The following COQ4 variants were observed in gnomAD, a reference collection of about 807,000 sequenced individuals.
The protein encoded by COQ4 is ubiquinone biosynthesis protein COQ4 homolog, mitochondrial.
In COQ4, 36 loss-of-function variants were observed where a neutral mutation model predicts 30.2. The ratio of observed to expected loss-of-function variants is 1.19; its 90% CI spans 0.91 to 1.57. The LOEUF (loss-of-function observed/expected upper bound fraction) is 1.57, where lower values mean the gene tolerates loss of function less well. COQ4 is among the 40% of genes most tolerant of loss of function. COQ4 has a pLI of 0.00. For missense variants in COQ4, 369 were observed against 371.9 expected (o/e 0.99, Z 0.07); for synonymous variants, 197 against 161.0 (o/e 1.22, Z -1.69).
intron 4 of COQ4, among the ~76,000 whole-genome samples, chr9:128,327,192 C>A (rs919916777): frequency 6.6e-6 from 1 of 152,044 alleles, no homozygotes; most frequent in Non-Finnish European, 1.5e-5. Context: ...CATCTGTAAT[C>A]CCAGCACTTT....
chr9:128,333,207 G>A (rs577104703), intron 6 of COQ4, among the ~76,000 whole-genome samples: 2 of 152,164 alleles, frequency 1.3e-5, no homozygotes, highest in African/African-American at 4.8e-5. Flanking sequence ...TCAGAATGAT[G>A]AGCGTCAGTG....
intron 4 of COQ4, chr9:128,326,100 G>T: frequency 1.7e-6 from 1 of 586,572 alleles, no homozygotes; most frequent in South Asian, 2.1e-5. Flanking sequence ...ACCTCGCACT[G>T]CATGCCTGAT....
At chr9:128,332,339 A>G in intron 5 of COQ4, 57 bp downstream of exon 5, 2 of 1,589,016 alleles carry the variant, frequency 1.3e-6, no homozygotes, top group Non-Finnish European at 1.7e-6. Context: ...GGGCCAGGGC[A>G]GGGCTTGCCT....
rs1220056931 is a variant in COQ4, at chr9:128,333,576, G to A, written c.729G>A (p.Gln243=). ...LNLYYERRWE[Q]SLRALREELG... is the part of the protein sequence containing the mutation. ...TGTACTATGAGCGGCGCTGGGAGCA[G>A]TCCCTGAGGGCTCTGCGGGAGGAGC... is the stretch of plus-strand genomic sequence containing the variant. Residue 243 remains glutamine, a synonymous_variant, in exon 7 of 7, where the codon CAG becomes CAA. Transcript: ENST00000300452. 1 of 1,609,172 alleles carries A rather than the reference G, an allele frequency of 6.2e-7. No individual in the cohort carries two copies. Among genetic ancestry groups the A allele is most frequent in the East Asian group, 2.3e-5 (1 of 44,358 alleles).
intron 4 of COQ4, among the ~76,000 whole-genome samples, chr9:128,329,239 T>G (rs1832368310): frequency 6.6e-6 from 1 of 152,152 alleles, no homozygotes; most frequent in South Asian, 2.1e-4. Flanking sequence ...CCAGGGCACT[T>G]ATCGGCCTTG....
At chr9:128,323,710 CGGG>C (rs1208629470) in intron 2 of COQ4, 1 of 183,486 alleles carries the variant, frequency 5.5e-6, no homozygotes, top group East Asian at 1.4e-4. Context: ...TAATCCCTAT[CGGG>C]GGGCCGAAGC....
At position 128,325,868 on chromosome 9, in the gene COQ4, T is replaced by G; in HGVS notation, c.389T>G (p.Phe130Cys). The change falls in exon 4 of 7, where the codon TTC (phenylalanine) becomes TGC (cysteine). Residue 130 changes from phenylalanine to cysteine, a missense_variant. Coordinates refer to ENST00000300452, the MANE Select transcript of COQ4 (RefSeq NM_016035.5). ...EGSLGREYLR[F>C]LDVNRVSPDT... ...TCCCTCGGTCGCGAGTATCTCCGTT[T>G]CCTGGATGTGAACGTGAGTTTTCAG... is the stretch of plus-strand genomic sequence containing the variant. The G allele has an allele frequency of 6.2e-7, 1 of 1,614,082 alleles. No individual in the cohort carries two copies. The highest frequency in any genetic ancestry group is 1.1e-5 in the South Asian group (1 of 91,084).
At chr9:128,325,374 A>G (rs147410651) in intron 3 of COQ4, 135 bp downstream of exon 3, 13 of 648,002 alleles carry the variant, frequency 2.0e-5, no homozygotes, top group Non-Finnish European at 3.0e-5. Flanking sequence ...CAGGCTGGGC[A>G]CTGCCCAATT....
intron 4 of COQ4, among the ~76,000 whole-genome samples, chr9:128,329,252 A>G (rs1285574142): frequency 6.6e-6 from 1 of 152,192 alleles, no homozygotes; most frequent in Non-Finnish European, 1.5e-5. Context: ...CGGCCTTGGT[A>G]ATGGATATTA....
intron 4 of COQ4, 105 bp downstream of exon 4, chr9:128,325,986 C>A (rs1446243668): frequency 1.0e-6 from 1 of 989,716 alleles, no homozygotes; most frequent in Non-Finnish European, 1.6e-6. Flanking sequence ...CCACCATTGG[C>A]AGGAGTGCTC....
chr9:128,328,859 G>C (rs1832362307), intron 4 of COQ4, among the ~76,000 whole-genome samples: 1 of 152,222 alleles, frequency 6.6e-6, no homozygotes, highest in African/African-American at 2.4e-5. Context: ...CTGTGGAGGG[G>C]AGGGGGTAGC....
chr9:128,325,802 C>T lies in COQ4; in HGVS notation c.323C>T (p.Ser108Phe), dbSNP rs755249411. The T allele has an allele frequency of 1.2e-6, 2 of 1,614,044 alleles. No individual in the cohort carries two copies. Among genetic ancestry groups the T allele is most frequent in the African/African-American group, 1.3e-5 (1 of 74,938 alleles). ...ILQERPRIST[S>F]TLDLGKLQSL... ...AGGGAGCGTCCCCGGATTTCGACAT[C>T]CACCCTCGACCTGGGCAAGCTCCAG... is the stretch of plus-strand genomic sequence containing the variant. The change falls in exon 4 of 7, where the codon TCC becomes TTC. Residue 108 changes from serine (S) to phenylalanine (F), a missense_variant. Transcript: ENST00000300452.
In COQ4 at chr9:128,322,924, G is replaced by A. The variant is rs1442981774; in HGVS notation, c.66G>A (p.Ala22=). The change falls in exon 1 of 7, where the codon GCG becomes GCA. Residue 22 remains alanine, a synonymous_variant. Transcript: ENST00000300452. ...LCGLPGLQRP[A]AEMPLRARSD... ...GGCTCCCGGGCCTACAGCGGCCTGC[G>A]GCAGGCAAGTGGCGCCGGGTTCTGG... 3 of 1,600,476 alleles carry A rather than the reference G, an allele frequency of 1.9e-6. No individual in the cohort carries two copies. The highest frequency in any genetic ancestry group is 4.5e-5 in the East Asian group (2 of 44,652).
At chr9:128,327,404 C>T (rs908682748) in intron 4 of COQ4, among the ~76,000 whole-genome samples, 7 of 152,172 alleles carry the variant, frequency 4.6e-5, no homozygotes, top group Admixed American at 2.0e-4. Flanking sequence ...GATCACACCA[C>T]TGCACTCCAG....
chr9:128,327,177 G>T (rs1402788681), intron 4 of COQ4, among the ~76,000 whole-genome samples: 1 of 152,106 alleles, frequency 6.6e-6, no homozygotes, highest in Non-Finnish European at 1.5e-5. Flanking sequence ...AGGCACAGTG[G>T]CTCACATCTG....
chr9:128,325,947 C>T, intron 4 of COQ4, 66 bp downstream of exon 4: 2 of 1,384,562 alleles, frequency 1.4e-6, no homozygotes, highest in Non-Finnish European at 2.1e-6. Context: ...ACAGGCATGA[C>T]ACCCTGAGGA....
rs1459561186 is a variant in COQ4, at chr9:128,332,231, G to C, written c.481G>C (p.Glu161Gln). 6.2e-7 allele frequency: 1 copy of C among 1,613,266 alleles called. No homozygotes were observed. Among genetic ancestry groups the C allele is most frequent in the Non-Finnish European group, 8.5e-7 (1 of 1,179,824 alleles). Residue 161 changes from glutamate to glutamine, a missense_variant, in exon 5 of 7, where the codon GAG becomes CAG. Coordinates refer to ENST00000300452, the MANE Select transcript of COQ4 (RefSeq NM_016035.5). The part of the protein sequence containing the change: ...ELAYVIQRYR[E>Q]VHDMLHTLLG... ...AGCGTATGTGATTCAGCGGTACCGGGAGGTGCACGACATGCTTCACACCCT... is the reference window on the plus strand; with the variant it reads ...AGCGTATGTGATTCAGCGGTACCGGCAGGTGCACGACATGCTTCACACCCT...
chr9:128,329,503 G>A (rs749261511), intron 4 of COQ4, among the ~76,000 whole-genome samples: 16 of 152,268 alleles, frequency 1.1e-4, no homozygotes, highest in Non-Finnish European at 1.8e-4. Flanking sequence ...CTGAGTAGCT[G>A]GGACTACAGG....
In COQ4 at chr9:128,333,784, C is replaced by G; in HGVS notation, c.*139C>G. The G allele has an allele frequency of 1.2e-6, 1 of 838,994 alleles. No homozygotes were observed. The highest frequency in any genetic ancestry group is 1.7e-6 in the Non-Finnish European group (1 of 587,830). 52.0% of individuals were successfully genotyped at this position (838,994 alleles called of 1,614,324 possible). A position where few individuals can be genotyped will look rare whatever the true frequency, so the allele number is the denominator to read the frequency against. The stretch of plus-strand genomic sequence containing the variant: ...CATTTATCATAATTTGTCATAACCA[C>G]TGCTGAGTGGCCTTGAGGACGAACC... On this transcript the variant is annotated 3_prime_UTR_variant, in exon 7 of 7. Coordinates refer to ENST00000300452, the MANE Select transcript of COQ4 (RefSeq NM_016035.5).
Sources: allele counts gnomAD v4.1 joint callset (sites outside exome capture counted in the v4.1 genomes callset), GRCh38; gene constraint gnomAD v4.1.1; transcripts MANE v1.5; gene names NCBI Gene and HGNC (gene_info 2026-07-23, HGNC 2026-07-21).